The following CNTN1 variants were observed in gnomAD, a reference collection of about 807,000 sequenced individuals.
CNTN1 encodes contactin 1.
Under a neutral mutation model 126.4 loss-of-function variants are expected in CNTN1, and 38 were observed. That is an observed-to-expected ratio of 0.30 (90% CI 0.23 to 0.39). The LOEUF is 0.39. CNTN1 is among the 10% of genes least tolerant of loss of function. The pLI, the probability that CNTN1 is intolerant of heterozygous loss-of-function variation, is 1.00. For missense variants in CNTN1, 1,009 were observed against 1,248.4 expected (o/e 0.81, Z 2.89); for synonymous variants, 413 against 422.6 (o/e 0.98, Z 0.28).
chr12:41,056,030 C>T (rs2121064446), intron 23 of CNTN1, among the ~76,000 whole-genome samples: 1 of 152,164 alleles, frequency 6.6e-6, no homozygotes, highest in Admixed American at 6.6e-5. Flanking sequence ...ATCCTAAATA[C>T]CTTCTAATGC....
chr12:40,952,029 C>G (rs578078734), intron 14 of CNTN1, among the ~76,000 whole-genome samples: 2 of 152,070 alleles, frequency 1.3e-5, no homozygotes, highest in South Asian at 4.2e-4. Context: ...GGTGATAGTA[C>G]TATTCTTTCT....
intron 4 of CNTN1, among the ~76,000 whole-genome samples, chr12:40,920,246 G>T (rs1030151312): frequency 2.0e-5 from 3 of 152,106 alleles, no homozygotes; most frequent in Non-Finnish European, 2.9e-5. Context: ...AGAAAGGGCT[G>T]CTCTCAGATA....
At chr12:40,765,163 A>T (rs1262903625) in intron 1 of CNTN1, among the ~76,000 whole-genome samples, 1 of 152,080 alleles carries the variant, frequency 6.6e-6, no homozygotes, top group Non-Finnish European at 1.5e-5. Context: ...TATATGCAGA[A>T]TATGGTAAAT....
chr12:40,713,403 A>AT (rs1941972510), intron 1 of CNTN1, among the ~76,000 whole-genome samples: 1 of 151,414 alleles, frequency 6.6e-6, no homozygotes, highest in South Asian at 2.1e-4. Context: ...ACTGAGGAGC[A>AT]TTTTATCATG....
intron 1 of CNTN1, among the ~76,000 whole-genome samples, chr12:40,871,186 G>GA (rs201485882): frequency 0.044 from 4,949 of 112,676 alleles, 491 homozygotes; most frequent in Non-Finnish European, 0.068. Flanking sequence ...CTGTTACAGA[G>GA]AAAAAAAAAA....
At chr12:40,849,654 A>G (rs1382675016) in intron 1 of CNTN1, among the ~76,000 whole-genome samples, 1 of 152,106 alleles carries the variant, frequency 6.6e-6, no homozygotes, top group African/African-American at 2.4e-5. Context: ...GTCTACATAA[A>G]ATATGGAATG....
chr12:40,944,923 GA>G (rs1946382389), intron 14 of CNTN1, among the ~76,000 whole-genome samples: 1 of 151,926 alleles, frequency 6.6e-6, no homozygotes, highest in Non-Finnish European at 1.5e-5. Flanking sequence ...GCATAATTAG[GA>G]AAACTTTTAT....
At chr12:40,932,497 A>G (rs955903008) in intron 7 of CNTN1, among the ~76,000 whole-genome samples, 1 of 151,998 alleles carries the variant, frequency 6.6e-6, no homozygotes, top group East Asian at 1.9e-4. Context: ...GAACAGACTA[A>G]TATATTACCT....
chr12:40,976,555 A>G (rs1000278528), intron 15 of CNTN1, among the ~76,000 whole-genome samples: 1 of 151,882 alleles, frequency 6.6e-6, no homozygotes, highest in Admixed American at 6.6e-5. Flanking sequence ...AAAAAAAAAA[A>G]GAAAGAAAGA....
At chr12:40,810,818 A>G (rs1565769489) in intron 1 of CNTN1, among the ~76,000 whole-genome samples, 1 of 152,050 alleles carries the variant, frequency 6.6e-6, no homozygotes, top group Non-Finnish European at 1.5e-5. Flanking sequence ...AGAGTTTGAA[A>G]CCAGCTAGGC....
rs769756635 is a variant in CNTN1 at position 40,980,894 on chromosome 12, A to G, written c.1805-15A>G. 18 of 1,613,370 alleles carry G rather than the reference A, an allele frequency of 1.1e-5. 1 individual carries two copies. Among genetic ancestry groups the G allele is most frequent in the South Asian group, 2.2e-5 (2 of 91,080 alleles). On this transcript the variant is annotated splice_polypyrimidine_tract_variant and intron_variant, in intron 15 of 23. Coordinates refer to ENST00000551295, the MANE Select transcript of CNTN1 (RefSeq NM_001843.4). Reference sequence around the variant, plus strand: ...GATGGAATTCACTGATTCATTACCCACATTTTCATTTCAGGCCCTCCAGGC... The same window carrying G: ...GATGGAATTCACTGATTCATTACCCGCATTTTCATTTCAGGCCCTCCAGGC...
In CNTN1 at chr12:40,842,745, G is replaced by A. The variant is rs374123912; in HGVS notation, c.-76-65612G>A. 6.6e-5 allele frequency among the ~76,000 whole-genome samples: 10 copies of A among 151,992 alleles called. No homozygotes were observed. In the East Asian group the frequency reaches 1.5e-3, roughly 23 times the overall value. ...GCACAGTGCCTTGAACATAGTAGAT[G>A]TTCAATAAATGTATGTTGAATAAAA... is the stretch of plus-strand genomic sequence containing the variant. On this transcript the variant is annotated intron_variant, in intron 1 of 23. Coordinates refer to ENST00000551295, the MANE Select transcript of CNTN1 (RefSeq NM_001843.4).
intron 1 of CNTN1, among the ~76,000 whole-genome samples, chr12:40,783,141 T>C (rs1322805275): frequency 6.6e-6 from 1 of 152,012 alleles, no homozygotes; most frequent in Non-Finnish European, 1.5e-5. Flanking sequence ...TCATTTATTC[T>C]ATAGGACATA....
intron 1 of CNTN1, among the ~76,000 whole-genome samples, chr12:40,833,643 A>G (rs965306177): frequency 1.3e-5 from 2 of 152,178 alleles, no homozygotes; most frequent in Non-Finnish European, 2.9e-5. Flanking sequence ...TTCTGAATGA[A>G]TCTCCTATAA....
At chr12:40,757,548 G>A (rs1042835376) in intron 1 of CNTN1, among the ~76,000 whole-genome samples, 1 of 152,114 alleles carries the variant, frequency 6.6e-6, no homozygotes, top group South Asian at 2.1e-4. Flanking sequence ...ATTACTTCAA[G>A]CAATTCTCAC....
chr12:40,707,039 C>T (rs1256227200), intron 1 of CNTN1, among the ~76,000 whole-genome samples: 32 of 106,556 alleles, frequency 3.0e-4, no homozygotes, highest in Admixed American at 9.7e-4. Context: ...TGCGCGCGCG[C>T]GCTTGCGCAC....
At chr12:41,024,069 G>A (rs1948985496) in intron 20 of CNTN1, among the ~76,000 whole-genome samples, 1 of 152,112 alleles carries the variant, frequency 6.6e-6, no homozygotes. Flanking sequence ...GAAAAGGGAA[G>A]CATTCATCCA....
intron 1 of CNTN1, among the ~76,000 whole-genome samples, chr12:40,904,266 C>T (rs1425400581): frequency 2.0e-5 from 3 of 152,108 alleles, no homozygotes; most frequent in East Asian, 1.9e-4. Flanking sequence ...GATCCGTCCA[C>T]CTTGGCCTCC....
chr12:40,866,347 G>A (rs1471375120), intron 1 of CNTN1, among the ~76,000 whole-genome samples: 1 of 152,002 alleles, frequency 6.6e-6, no homozygotes, highest in Admixed American at 6.6e-5. Context: ...TCAGTAAAAT[G>A]TTCAGTAGAA....
Sources: allele counts gnomAD v4.1 joint callset (sites outside exome capture counted in the v4.1 genomes callset), GRCh38; gene constraint gnomAD v4.1.1; transcripts MANE v1.5; gene names NCBI Gene and HGNC (gene_info 2026-07-23, HGNC 2026-07-21).